The following IQCH variants were observed in gnomAD, a reference collection of about 807,000 sequenced individuals.
IQCH encodes the protein IQ motif containing H.
In IQCH, 98 loss-of-function variants were observed where a neutral mutation model predicts 117.0. The observed-to-expected ratio is 0.84, with a 90% CI of 0.71 to 0.99. The LOEUF (loss-of-function observed/expected upper bound fraction) is 0.99. Among genes scored for constraint, IQCH ranks in the 50% least tolerant of loss-of-function variants. The pLI is 0.00. For missense variants in IQCH, 1,102 were observed against 1,243.8 expected (o/e 0.89, Z 1.72); for synonymous variants, 412 against 448.2 (o/e 0.92, Z 1.02).
In IQCH at chr15:67,424,463, A is replaced by AT. The variant is rs984796486; in HGVS notation, c.2505+2887dup. Among the ~76,000 whole-genome samples the AT allele has an allele frequency of 6.6e-6, 1 of 152,216 alleles. No individual in the cohort carries two copies. Among genetic ancestry groups the AT allele is most frequent in the African/African-American group, 2.4e-5 (1 of 41,450 alleles). ...ACTTATTTACATGACTATCTGATTA[A>AT]TATTTTTCTCCTCCTATTAATTGTA... is the stretch of plus-strand genomic sequence containing the variant. On this transcript the variant is annotated intron_variant, in intron 16 of 20. Coordinates refer to ENST00000335894, the MANE Select transcript of IQCH (RefSeq NM_001031715.3). This position sits in a 1 kb window ranked among gnomAD's most constrained non-coding sequence, Gnocchi z 4.9.
chr15:67,254,896 C>G lies in IQCH; in HGVS notation c.-1C>G, dbSNP rs1450854630. The G allele has an allele frequency of 6.2e-7, 1 of 1,613,744 alleles. No homozygotes were observed. The highest frequency in any genetic ancestry group is 2.2e-5 in the East Asian group (1 of 44,828). On this transcript the variant is annotated 5_prime_UTR_variant, in exon 1 of 21. Transcript: ENST00000335894. ...GGAGGTAGCCGTTCCCTGACCTAGC[C>G]ATGGCACAGAACACTGAAAACCACG...
rs1401134822 is a variant in IQCH at position 67,385,552 on chromosome 15, G to A, written c.1456+533G>A. Reference sequence around the variant, plus strand: ...GGGAATTTTTAGAAATACAGACCTTGATTCAGTGATGTATACATCTTTGTA... The same window carrying A: ...GGGAATTTTTAGAAATACAGACCTTAATTCAGTGATGTATACATCTTTGTA... On this transcript the variant is annotated intron_variant, in intron 11 of 20. Transcript: ENST00000335894. The surrounding 1 kb of genome is among the most constrained non-coding windows in gnomAD (Gnocchi z 4.6). 6.6e-6 allele frequency among the ~76,000 whole-genome samples: 1 copy of A among 152,154 alleles called. No individual in the cohort carries two copies. Among genetic ancestry groups the A allele is most frequent in the African/African-American group, 2.4e-5 (1 of 41,432 alleles).
At chr15:67,484,926 G>A (rs1296740002) in intron 18 of IQCH, among the ~76,000 whole-genome samples, 1 of 151,384 alleles carries the variant, frequency 6.6e-6, no homozygotes, top group African/African-American at 2.4e-5. Context: ...ACTAAAAGAA[G>A]GACCAAATCA....
chr15:67,273,877 C>T (rs1189729126), intron 3 of IQCH, among the ~76,000 whole-genome samples: 2 of 152,198 alleles, frequency 1.3e-5, no homozygotes, highest in Non-Finnish European at 1.5e-5. Context: ...ATTCACTCAG[C>T]TTTTGTCCGT....
chr15:67,362,643 T>C (rs539166730), intron 8 of IQCH, among the ~76,000 whole-genome samples: 7 of 152,312 alleles, frequency 4.6e-5, no homozygotes, highest in African/African-American at 1.2e-4. Flanking sequence ...ATCAAATCAG[T>C]GTTTTTAAGG....
At chr15:67,349,999 C>T (rs1487953053) in intron 6 of IQCH, among the ~76,000 whole-genome samples, 1 of 152,096 alleles carries the variant, frequency 6.6e-6, no homozygotes, top group Non-Finnish European at 1.5e-5. Flanking sequence ...TACTGTATGA[C>T]CCAACAATCT....
intron 4 of IQCH, among the ~76,000 whole-genome samples, chr15:67,318,975 C>G (rs2140587423): frequency 6.6e-6 from 1 of 152,286 alleles, no homozygotes; most frequent in East Asian, 1.9e-4. Context: ...GCCTGTAATC[C>G]CAGCACTTTG....
chr15:67,302,426 A>G (rs1967091927), intron 4 of IQCH, among the ~76,000 whole-genome samples: 1 of 152,182 alleles, frequency 6.6e-6, no homozygotes, highest in Non-Finnish European at 1.5e-5. Flanking sequence ...AAAGCCATTT[A>G]TAATTAGGTA....
rs779759370 is a variant in IQCH at position 67,489,963 on chromosome 15, A to AT, written c.2800-39dup. Reference sequence around the variant, plus strand: ...ACATTTTCTGTACTTTGTTTCTGAGATAATATACTATTTCTTTTCTCCCCA... The same window carrying AT: ...ACATTTTCTGTACTTTGTTTCTGAGATTAATATACTATTTCTTTTCTCCCCA... On this transcript the variant is annotated intron_variant, in intron 18 of 20. Transcript: ENST00000335894. The AT allele has an allele frequency of 1.1e-5, 15 of 1,345,824 alleles. No homozygotes were observed. The South Asian group carries it at 1.8e-4, about 16-fold the overall frequency. The allele number at this position is 1,345,824 out of a possible 1,614,324, so 83.4% of individuals were successfully genotyped here. A position where few individuals can be genotyped will look rare whatever the true frequency, so the allele number is the denominator to read the frequency against.
Position 67,359,512 on chromosome 15 carries a change from G to T in IQCH, c.715-335G>T, listed in dbSNP as rs1354798507. ...TATGCCAAGCCTCGTGATAGAGCCA[G>T]TACAGACCTTTGATCAGACACCACC... On this transcript the variant is annotated intron_variant, in intron 7 of 20. Transcript: ENST00000335894. This position sits in a 1 kb window ranked among gnomAD's most constrained non-coding sequence, Gnocchi z 4.5. Among the ~76,000 whole-genome samples, 1 of 152,246 alleles carries T rather than the reference G, an allele frequency of 6.6e-6. No individual in the cohort carries two copies. Among genetic ancestry groups the T allele is most frequent in the Non-Finnish European group, 1.5e-5 (1 of 68,044 alleles).
At chr15:67,308,438 G>T (rs1469311895) in intron 4 of IQCH, among the ~76,000 whole-genome samples, 2 of 152,032 alleles carry the variant, frequency 1.3e-5, no homozygotes, top group African/African-American at 4.8e-5. Flanking sequence ...AGGAGCATTT[G>T]GTAAATTAAA....
chr15:67,393,106 A>G lies in IQCH; in HGVS notation c.1633-2185A>G, dbSNP rs1293152407. ...AGAAACTCTGTACCCATTAAGCAAT[A>G]AGTCCAAAAGAGCTCTTGTTTTAAA... On this transcript the variant is annotated intron_variant, in intron 12 of 20. Coordinates refer to ENST00000335894, the MANE Select transcript of IQCH (RefSeq NM_001031715.3). The surrounding 1 kb of genome is among the most constrained non-coding windows in gnomAD (Gnocchi z 5.5). 1.3e-5 allele frequency among the ~76,000 whole-genome samples: 2 copies of G among 152,218 alleles called. No homozygotes were observed. The highest frequency in any genetic ancestry group is 2.9e-5 in the Non-Finnish European group (2 of 68,036).
At position 67,365,211 on chromosome 15, in the gene IQCH, G is replaced by T. The variant is rs1320587516; in HGVS notation, c.753+5326G>T. Among the ~76,000 whole-genome samples, 2 of 152,174 alleles carry T rather than the reference G, an allele frequency of 1.3e-5. No homozygotes were observed. Among genetic ancestry groups the T allele is most frequent in the East Asian group, 3.8e-4 (2 of 5,196 alleles). ...TCTGCCTGCCTTGACCTCCCAAAGTGCTGGGATTATAGGCATGAGCCACCA... is the reference window on the plus strand; with the variant it reads ...TCTGCCTGCCTTGACCTCCCAAAGTTCTGGGATTATAGGCATGAGCCACCA... On this transcript the variant is annotated intron_variant, in intron 8 of 20. Transcript: ENST00000335894. This position sits in a 1 kb window ranked among gnomAD's most constrained non-coding sequence, Gnocchi z 4.4.
At position 67,498,069 on chromosome 15, in the gene IQCH, G is replaced by A. The variant is rs570806940; in HGVS notation, c.2971-2564G>A. 2.0e-5 allele frequency among the ~76,000 whole-genome samples: 3 copies of A among 152,226 alleles called. No individual in the cohort carries two copies. In the South Asian group the frequency reaches 6.2e-4, roughly 32 times the overall value. On this transcript the variant is annotated intron_variant, in intron 20 of 20. Transcript: ENST00000335894. ...TAACCAAAATAATCTCAAAAAGAAC[G>A]AAGTTGGAGAAGTCACACTTCTCAA... is the stretch of plus-strand genomic sequence containing the variant.
At chr15:67,489,688 A>G (rs2083595915) in intron 18 of IQCH, among the ~76,000 whole-genome samples, 1 of 151,926 alleles carries the variant, frequency 6.6e-6, no homozygotes, top group South Asian at 2.1e-4. Flanking sequence ...AGAATCATCC[A>G]AGAAGTAAGG....
At chr15:67,396,142 C>A (rs1272155130) in intron 13 of IQCH, among the ~76,000 whole-genome samples, 1 of 152,158 alleles carries the variant, frequency 6.6e-6, no homozygotes, top group African/African-American at 2.4e-5. Flanking sequence ...ATTAATTCAT[C>A]ATCATATCAG....
intron 4 of IQCH, chr15:67,304,387 CA>C: frequency 6.5e-7 from 1 of 1,534,696 alleles, no homozygotes; most frequent in Non-Finnish European, 8.7e-7. Context: ...TGAAAACATC[CA>C]CCACAGAGCT....
intron 16 of IQCH, among the ~76,000 whole-genome samples, chr15:67,451,296 G>A (rs945761466): frequency 1.3e-5 from 2 of 151,964 alleles, no homozygotes; most frequent in Non-Finnish European, 2.9e-5. Flanking sequence ...TGCTTTTCTA[G>A]TTCTTTTAAT....
Position 67,493,327 on chromosome 15 carries a change from G to T in IQCH, c.2862-931G>T, listed in dbSNP as rs552909890. 1.3e-5 allele frequency among the ~76,000 whole-genome samples: 2 copies of T among 152,140 alleles called. No individual in the cohort carries two copies. The highest frequency in any genetic ancestry group is 4.8e-5 in the African/African-American group (2 of 41,438). The stretch of plus-strand genomic sequence containing the variant: ...GGTCTGTCTCCTGATCCTGAACTTG[G>T]TGTTCCTTTCACTATACCACAAAGC... On this transcript the variant is annotated intron_variant, in intron 19 of 20. Transcript: ENST00000335894. This position sits in a 1 kb window ranked among gnomAD's most constrained non-coding sequence, Gnocchi z 5.1.
Sources: gnomAD v4.1 joint callset for allele counts (sites outside exome capture counted in the v4.1 genomes callset) on GRCh38, gnomAD v4.1.1 for gene constraint, Gnocchi (gnomAD v3.1) non-coding constraint, MANE v1.5 for transcripts, NCBI Gene and HGNC (gene_info 2026-07-23, HGNC 2026-07-21) for gene names.